Variants in MTUS1 observed in about 807,000 individuals in gnomAD.
MTUS1 encodes the protein microtubule associated scaffold protein 1.
A neutral mutation model predicts 120.8 loss-of-function variants in MTUS1; 109 were observed. That is an observed-to-expected ratio of 0.90 (90% CI 0.77 to 1.06). MTUS1 has a LOEUF of 1.06. Ranked by LOEUF, MTUS1 falls within the 50% of genes least tolerant of loss-of-function variation. The pLI, the probability that MTUS1 is intolerant of heterozygous loss-of-function variation, is 0.00. For synonymous variants in MTUS1, 737 were observed against 550.5 expected (o/e 1.34, Z -4.74); for missense variants, 2,210 against 1,486.3 (o/e 1.49, Z -8.01).
At chr8:17,658,816 T>A (rs896841773) in intron 8 of MTUS1, among the ~76,000 whole-genome samples, 3 of 152,060 alleles carry the variant, frequency 2.0e-5, no homozygotes, top group African/African-American at 7.2e-5. Flanking sequence ...CATGTGGTGG[T>A]AGAAATACCC....
chr8:17,789,665 C>A (rs1026609194), intron 1 of MTUS1, among the ~76,000 whole-genome samples: 4 of 152,144 alleles, frequency 2.6e-5, no homozygotes, highest in Admixed American at 2.6e-4. Context: ...CATCGACTTC[C>A]TGCACCCTTT....
At position 17,754,730 on chromosome 8, in the gene MTUS1, T is replaced by C. The variant is rs770864042; in HGVS notation, c.1078A>G (p.Ser360Gly). 5.6e-6 allele frequency: 9 copies of C among 1,614,136 alleles called. No individual in the cohort carries two copies. Among genetic ancestry groups the C allele is most frequent in the Non-Finnish European group, 7.6e-6 (9 of 1,180,050 alleles). Residue 360 changes from serine (S) to glycine (G), a missense_variant, in exon 2 of 15, where the codon AGC becomes GGC. Transcript: ENST00000693296. ...TCTGGGTTCAGCACTTGAGCTTCGCTCTTATCAAAAGCTGGCACCATTAAA... is the reference window on the plus strand; with the variant it reads ...TCTGGGTTCAGCACTTGAGCTTCGCCCTTATCAAAAGCTGGCACCATTAAA... ...CPLMVPAFDK[S>G]EAQVLNPEHK...
In MTUS1 at chr8:17,655,922, T is replaced by C. The variant is rs1020167675; in HGVS notation, c.3049A>G (p.Lys1017Glu). The change falls in exon 9 of 15, where the codon AAG (lysine) becomes GAG (glutamate). Residue 1017 changes from lysine (K) to glutamate (E), a missense_variant. Coordinates refer to ENST00000693296, the MANE Select transcript of MTUS1 (RefSeq NM_001363059.2). ...LKEFYTREYE[K>E]LRDTYIEEAE... ...TCTTCAATGTAAGTGTCCCGAAGCTTTTCATACTCCCTGGTGTAAAACTCT... is the reference window on the plus strand; with the variant it reads ...TCTTCAATGTAAGTGTCCCGAAGCTCTTCATACTCCCTGGTGTAAAACTCT... 4.3e-6 allele frequency: 7 copies of C among 1,614,084 alleles called. No individual in the cohort carries two copies. The highest frequency in any genetic ancestry group is 5.1e-6 in the Non-Finnish European group (6 of 1,180,036).
intron 8 of MTUS1, among the ~76,000 whole-genome samples, chr8:17,664,641 C>G (rs180845776): frequency 6.6e-6 from 1 of 152,034 alleles, no homozygotes; most frequent in Non-Finnish European, 1.5e-5. Context: ...TCGGGGTAAA[C>G]AGAACTGTCA....
At chr8:17,767,700 T>TAAAAAAAAAA (rs112048837) in intron 1 of MTUS1, among the ~76,000 whole-genome samples, 1 of 87,886 alleles carries the variant, frequency 1.1e-5, no homozygotes, top group African/African-American at 5.1e-5. Flanking sequence ...CCCTGTCTCT[T>TAAAAAAAAAA]AAAAAAAAAA....
At chr8:17,797,103 G>A (rs2131610921) in intron 1 of MTUS1, among the ~76,000 whole-genome samples, 2 of 152,194 alleles carry the variant, frequency 1.3e-5, no homozygotes, top group Middle Eastern at 6.8e-3. Flanking sequence ...GCCACAGAGT[G>A]AGACTCCATC....
At chr8:17,681,218 G>A (rs1048738162) in intron 7 of MTUS1, among the ~76,000 whole-genome samples, 5 of 152,170 alleles carry the variant, frequency 3.3e-5, no homozygotes, top group African/African-American at 1.2e-4. Context: ...ACAGGTGTGA[G>A]CCACAGCGCC....
At chr8:17,708,002 A>C (rs139558034) in intron 6 of MTUS1, among the ~76,000 whole-genome samples, 1 of 152,326 alleles carries the variant, frequency 6.6e-6, no homozygotes, top group African/African-American at 2.4e-5. Context: ...AGCAAAAAAA[A>C]CTTAAATGAA....
intron 1 of MTUS1, among the ~76,000 whole-genome samples, chr8:17,792,895 C>G (rs992044118): frequency 6.6e-6 from 1 of 152,140 alleles, no homozygotes; most frequent in African/African-American, 2.4e-5. Flanking sequence ...ATTTTTTAAC[C>G]CTTAAACAGA....
chr8:17,665,629 G>A (rs960081848), intron 8 of MTUS1, among the ~76,000 whole-genome samples: 2 of 152,106 alleles, frequency 1.3e-5, no homozygotes, highest in East Asian at 1.9e-4. Flanking sequence ...CCAAAGTGCT[G>A]GAATTACTGG....
chr8:17,792,018 G>A (rs757281799), intron 1 of MTUS1, among the ~76,000 whole-genome samples: 9 of 152,138 alleles, frequency 5.9e-5, no homozygotes, highest in Non-Finnish European at 1.0e-4. Flanking sequence ...AGGTCACATG[G>A]CTAATAGGAA....
intron 8 of MTUS1, among the ~76,000 whole-genome samples, chr8:17,671,966 GA>G (rs1402060305): frequency 2.0e-5 from 3 of 152,072 alleles, no homozygotes. Flanking sequence ...AATACATACT[GA>G]TTTCATATCA....
Position 17,755,576 on chromosome 8 carries a change from C to T in MTUS1, c.232G>A (p.Glu78Lys), listed in dbSNP as rs1370543058. ...GAAGACTTTTCATGACCAAATACTT[C>T]AACACCCTGAAGGCTTAAAGAAATA... ...ENISLSLQGV[E>K]VFGHEKSSSD... Residue 78 changes from glutamate (E) to lysine (K), a missense_variant, in exon 2 of 15, where the codon GAA (glutamate) becomes AAA (lysine). Glu to Lys is a moderately conservative substitution (Grantham distance 56). Coordinates refer to ENST00000693296, the MANE Select transcript of MTUS1 (RefSeq NM_001363059.2). 1 of 1,614,198 alleles carries T rather than the reference C, an allele frequency of 6.2e-7. No individual in the cohort carries two copies. Among genetic ancestry groups the T allele is most frequent in the Non-Finnish European group, 8.5e-7 (1 of 1,180,024 alleles).
At chr8:17,781,061 T>C (rs2050839292) in intron 1 of MTUS1, 1 of 152,160 alleles carries the variant, frequency 6.6e-6, no homozygotes, top group Non-Finnish European at 1.5e-5. Flanking sequence ...TCTTATCTAA[T>C]CAGATCTCCA....
intron 1 of MTUS1, among the ~76,000 whole-genome samples, chr8:17,779,646 C>T (rs954903771): frequency 1.1e-4 from 16 of 152,176 alleles, no homozygotes; most frequent in African/African-American, 3.6e-4. Context: ...CTTCACAATA[C>T]GGGAATCAAC....
At chr8:17,747,500 G>C (rs960840861) in intron 2 of MTUS1, among the ~76,000 whole-genome samples, 4 of 152,130 alleles carry the variant, frequency 2.6e-5, no homozygotes, top group African/African-American at 7.2e-5. Context: ...GCAGACGGGG[G>C]CAGGTCCCCA....
chr8:17,662,096 G>A (rs1345634205), intron 8 of MTUS1, among the ~76,000 whole-genome samples: 6 of 152,084 alleles, frequency 3.9e-5, no homozygotes, highest in Non-Finnish European at 8.8e-5. Context: ...TTAGGCCATG[G>A]ACTTTCCTGT....
intron 1 of MTUS1, among the ~76,000 whole-genome samples, chr8:17,798,522 C>T (rs573562452): frequency 4.0e-4 from 61 of 152,066 alleles, no homozygotes; most frequent in Admixed American, 1.3e-3. Flanking sequence ...TTAGTAGAGA[C>T]GGGGTTTCAC....
chr8:17,778,038 T>TCC (rs1275131808), intron 1 of MTUS1, among the ~76,000 whole-genome samples: 1 of 152,200 alleles, frequency 6.6e-6, no homozygotes, highest in Non-Finnish European at 1.5e-5. Context: ...GGTATGGAGC[T>TCC]GTGGGTCACT....
Sources: allele counts gnomAD v4.1 joint callset (sites outside exome capture counted in the v4.1 genomes callset), GRCh38; gene constraint gnomAD v4.1.1; transcripts MANE v1.5; gene names NCBI Gene and HGNC (gene_info 2026-07-23, HGNC 2026-07-21).